The following LSAMP variants were observed in gnomAD, a reference collection of about 807,000 sequenced individuals.
LSAMP encodes limbic system-associated membrane protein.
A neutral mutation model predicts 38.6 loss-of-function variants in LSAMP; 7 were observed. That is an observed-to-expected ratio of 0.18 (90% CI 0.10 to 0.34). The LOEUF (loss-of-function observed/expected upper bound fraction) is 0.34. LSAMP is among the 10% of genes least tolerant of loss of function. The pLI, the probability that LSAMP is intolerant of heterozygous loss-of-function variation, is 1.00. For synonymous variants in LSAMP, 154 were observed against 166.8 expected (o/e 0.92, Z 0.59); for missense variants, 313 against 420.0 (o/e 0.75, Z 2.23).
chr3:116,193,321 T>G (rs1324148125), intron 1 of LSAMP, among the ~76,000 whole-genome samples: 3 of 152,192 alleles, frequency 2.0e-5, no homozygotes, highest in Non-Finnish European at 4.4e-5. Context: ...TTGAGCTCAT[T>G]CAGGCAGGAT....
intron 1 of LSAMP, among the ~76,000 whole-genome samples, chr3:116,409,858 T>C (rs940443164): frequency 6.6e-6 from 1 of 152,044 alleles, no homozygotes; most frequent in Non-Finnish European, 1.5e-5. Context: ...AAGATGCTTA[T>C]TTACGGAGGC....
Position 116,276,112 on chromosome 3 carries a change from T to C in LSAMP, c.155+168765A>G, listed in dbSNP as rs182650011. ...ATTCAACAGGCTTTTTCTTGTTGGATGTTTCTTTATATTCTAATTGGTTTA... is the reference window on the plus strand; with the variant it reads ...ATTCAACAGGCTTTTTCTTGTTGGACGTTTCTTTATATTCTAATTGGTTTA... On this transcript the variant is annotated intron_variant, in intron 1 of 6. Coordinates refer to ENST00000490035, the MANE Select transcript of LSAMP (RefSeq NM_002338.5). Among the ~76,000 whole-genome samples, 4 of 152,350 alleles carry C rather than the reference T, an allele frequency of 2.6e-5. No homozygotes were observed. The East Asian group carries it at 7.7e-4, about 29-fold the overall frequency.
intron 1 of LSAMP, among the ~76,000 whole-genome samples, chr3:116,187,906 G>C (rs978099110): frequency 1.3e-5 from 2 of 151,970 alleles, no homozygotes; most frequent in Non-Finnish European, 2.9e-5. Context: ...ATTAAGCCTA[G>C]TACCCATTAG....
At chr3:116,015,273 AG>A (rs1391446380) in intron 3 of LSAMP, among the ~76,000 whole-genome samples, 17 of 152,176 alleles carry the variant, frequency 1.1e-4, no homozygotes, top group African/African-American at 4.1e-4. Context: ...TGAAACGCAT[AG>A]AAACTCTTTC....
chr3:116,168,481 A>C (rs1710116590), intron 1 of LSAMP, among the ~76,000 whole-genome samples: 1 of 152,250 alleles, frequency 6.6e-6, no homozygotes, highest in South Asian at 2.1e-4. Context: ...ATAAGACATA[A>C]AATTTTAATG....
chr3:116,433,160 T>C (rs2049304236), intron 1 of LSAMP, among the ~76,000 whole-genome samples: 1 of 152,202 alleles, frequency 6.6e-6, no homozygotes, highest in Non-Finnish European at 1.5e-5. Flanking sequence ...ACAAATTATG[T>C]TCCCCAGTCA....
chr3:116,189,422 C>T (rs1396875957), intron 1 of LSAMP, among the ~76,000 whole-genome samples: 1 of 152,208 alleles, frequency 6.6e-6, no homozygotes, highest in Non-Finnish European at 1.5e-5. Flanking sequence ...ATCAAGGCTT[C>T]CTCTGGGTCT....
chr3:116,347,444 A>G (rs1408316730), intron 1 of LSAMP, among the ~76,000 whole-genome samples: 1 of 152,190 alleles, frequency 6.6e-6, no homozygotes, highest in Non-Finnish European at 1.5e-5. Context: ...GTGTGTATAG[A>G]GAATTGATAG....
intron 6 of LSAMP, among the ~76,000 whole-genome samples, chr3:115,815,104 A>C (rs1029368243): frequency 3.9e-5 from 6 of 152,164 alleles, no homozygotes; most frequent in Non-Finnish European, 8.8e-5. Context: ...CTGCCGTTTC[A>C]CTTACCTGAG....
chr3:115,922,379 T>C (rs145252514), intron 3 of LSAMP, among the ~76,000 whole-genome samples: 883 of 152,244 alleles, frequency 5.8e-3, no homozygotes, highest in African/African-American at 0.012. Flanking sequence ...TAATGAATAT[T>C]TCAGTTCAGA....
intron 1 of LSAMP, among the ~76,000 whole-genome samples, chr3:116,246,642 C>G (rs1015536345): frequency 6.6e-6 from 1 of 152,114 alleles, no homozygotes; most frequent in African/African-American, 2.4e-5. Flanking sequence ...GATAAACAAC[C>G]CAACTGCACA....
intron 1 of LSAMP, among the ~76,000 whole-genome samples, chr3:116,220,632 G>A (rs1012538698): frequency 6.6e-6 from 1 of 152,092 alleles, no homozygotes; most frequent in African/African-American, 2.4e-5. Context: ...GTTGTATGAT[G>A]GAGCAATCAT....
chr3:115,810,824 G>A (rs971527722), intron 6 of LSAMP, among the ~76,000 whole-genome samples: 2 of 152,060 alleles, frequency 1.3e-5, no homozygotes, highest in African/African-American at 4.8e-5. Context: ...TGGGTCTTCT[G>A]GCCAATTCAT....
intron 1 of LSAMP, among the ~76,000 whole-genome samples, chr3:116,291,284 G>GTCTT (rs2047263910): frequency 6.6e-6 from 1 of 152,116 alleles, no homozygotes; most frequent in African/African-American, 2.4e-5. Context: ...GTATAGCTAG[G>GTCTT]TCTTTGAGGA....
intron 1 of LSAMP, among the ~76,000 whole-genome samples, chr3:116,160,128 G>C (rs1021326297): frequency 6.6e-6 from 1 of 152,130 alleles, no homozygotes; most frequent in Non-Finnish European, 1.5e-5. Flanking sequence ...GGCTGGGCAC[G>C]GTGGCTCACA....
chr3:115,913,167 G>C lies in LSAMP; in HGVS notation c.515-60550C>G, dbSNP rs558708239. On this transcript the variant is annotated intron_variant, in intron 3 of 6. Coordinates refer to ENST00000490035, the MANE Select transcript of LSAMP (RefSeq NM_002338.5). ...GTCCATAGCACAAGTCTATAGCGAAGACAGATGCATCAATAAATTACAGAA... is the reference window on the plus strand; with the variant it reads ...GTCCATAGCACAAGTCTATAGCGAACACAGATGCATCAATAAATTACAGAA... Among the ~76,000 whole-genome samples, 5 of 152,236 alleles carry C rather than the reference G, an allele frequency of 3.3e-5. No individual in the cohort carries two copies. In the East Asian group the frequency reaches 9.7e-4, roughly 29 times the overall value.
intron 3 of LSAMP, among the ~76,000 whole-genome samples, chr3:115,903,532 AG>A (rs1267915340): frequency 6.6e-6 from 1 of 152,198 alleles, no homozygotes; most frequent in Non-Finnish European, 1.5e-5. Context: ...GGTTGGCTTG[AG>A]AGATGGAATT....
chr3:115,805,485 G>A lies in LSAMP; in HGVS notation c.*4832C>T, dbSNP rs1224393588. ...TAGTTTATATTATGTACATAAACTA[G>A]TGATTTACATTGATTTACACATGAT... On this transcript the variant is annotated 3_prime_UTR_variant, in exon 7 of 7. Coordinates refer to ENST00000490035, the MANE Select transcript of LSAMP (RefSeq NM_002338.5). The A allele has an allele frequency of 6.6e-6, 1 of 152,126 alleles. No homozygotes were observed. The highest frequency in any genetic ancestry group is 1.5e-5 in the Non-Finnish European group (1 of 68,026). The allele number at this position is 152,126 out of a possible 1,614,324, so 9.4% of individuals were successfully genotyped here.
chr3:116,385,782 C>T (rs2048618515), intron 1 of LSAMP, among the ~76,000 whole-genome samples: 1 of 152,044 alleles, frequency 6.6e-6, no homozygotes, highest in African/African-American at 2.4e-5. Context: ...ATAATGAATG[C>T]TTTGAGTACT....
Sources: gnomAD v4.1 joint callset for allele counts (sites outside exome capture counted in the v4.1 genomes callset) on GRCh38, gnomAD v4.1.1 for gene constraint, MANE v1.5 for transcripts, NCBI Gene and HGNC (gene_info 2026-07-23, HGNC 2026-07-21) for gene names.